Variants in IRGM observed in about 807,000 individuals in gnomAD.
IRGM encodes immunity-related GTPase family M protein.
For synonymous variants in IRGM, 98 were observed against 80.6 expected, an observed-to-expected ratio of 1.22 and a Z score of -1.16; for missense variants, 288 against 219.9, an observed-to-expected ratio of 1.31 and a Z score of -1.96.
At chr5:150,873,417 C>G (rs369120245) in intron 1 of IRGM, among the ~76,000 whole-genome samples, 10 of 152,300 alleles carry the variant, frequency 6.6e-5, no homozygotes, top group African/African-American at 2.2e-4. Context: ...ACAATTTATG[C>G]TGTTAATCTT....
intron 3 of IRGM, among the ~76,000 whole-genome samples, chr5:150,891,553 C>T (rs1754610451): frequency 6.6e-6 from 1 of 151,890 alleles, no homozygotes; most frequent in Admixed American, 6.6e-5. Flanking sequence ...AGCTATAACT[C>T]TGTTTTGTTA....
chr5:150,863,102 T>G (rs1437620545), intron 1 of IRGM, among the ~76,000 whole-genome samples: 5 of 152,206 alleles, frequency 3.3e-5, no homozygotes, highest in Non-Finnish European at 7.3e-5. Context: ...ACTGAGAGAT[T>G]CTTCTTAGGG....
In IRGM at chr5:150,858,935, C is replaced by T. The variant is rs971877470; in HGVS notation, c.158+10281C>T. 9.7e-4 allele frequency among the ~76,000 whole-genome samples: 148 copies of T among 152,214 alleles called. 1 individual carries two copies. Among genetic ancestry groups the T allele is most frequent in the African/African-American group, 3.3e-3 (138 of 41,528 alleles). On this transcript the variant is annotated intron_variant and NMD_transcript_variant, in intron 1 of 3. Transcript: ENST00000520549. Reference sequence around the variant, plus strand: ...CCCTTTATTTCCTTCTCCTGCCTGACTGCCCTGGCCAGAACTTCCAACACT... The same window carrying T: ...CCCTTTATTTCCTTCTCCTGCCTGATTGCCCTGGCCAGAACTTCCAACACT...
intron 1 of IRGM, among the ~76,000 whole-genome samples, chr5:150,863,912 G>A (rs1348349986): frequency 3.9e-5 from 6 of 152,184 alleles, no homozygotes; most frequent in African/African-American, 1.4e-4. Context: ...ATTTGAGGGA[G>A]AGATCTGGAG....
chr5:150,863,968 T>G (rs746627040), intron 1 of IRGM, among the ~76,000 whole-genome samples: 10 of 152,192 alleles, frequency 6.6e-5, no homozygotes, highest in Non-Finnish European at 1.3e-4. Context: ...CCTCAGGTTG[T>G]AACTTCACCA....
At chr5:150,858,885 G>C (rs1297387645) in intron 1 of IRGM, among the ~76,000 whole-genome samples, 1 of 152,166 alleles carries the variant, frequency 6.6e-6, no homozygotes, top group East Asian at 1.9e-4. Flanking sequence ...GGGATAATTT[G>C]ACTTCCTCTT....
chr5:150,848,025 T>A lies in IRGM; in HGVS notation c.-99T>A. 1 of 908,724 alleles carries A rather than the reference T, an allele frequency of 1.1e-6. No individual in the cohort carries two copies. Among genetic ancestry groups the A allele is most frequent in the Non-Finnish European group, 1.7e-6 (1 of 606,054 alleles). 56.3% of individuals were successfully genotyped at this position (908,724 alleles called of 1,614,324 possible). On this transcript the variant is annotated 5_prime_UTR_variant, in exon 2 of 2. Coordinates refer to ENST00000522154, the MANE Select transcript of IRGM (RefSeq NM_001145805.2). ...ACGATGTTGGCCAGGATGGTCTCAA[T>A]CTCCTGACCTCGTGATCTGCTCGCC...
intron 3 of IRGM, among the ~76,000 whole-genome samples, chr5:150,887,922 G>C (rs1053529050): frequency 2.0e-5 from 3 of 151,862 alleles, no homozygotes; most frequent in African/African-American, 4.8e-5. Flanking sequence ...ATAATAACCA[G>C]CTAAGAGCAC....
At chr5:150,848,772 C>G, downstream of IRGM, 1 of 826,342 alleles carries the variant, frequency 1.2e-6, no homozygotes, top group Non-Finnish European at 1.9e-6. Flanking sequence ...GGGTATCTTA[C>G]AATTTTCGGG....
intron 1 of IRGM, among the ~76,000 whole-genome samples, chr5:150,874,244 G>T (rs896432601): frequency 6.6e-6 from 1 of 152,176 alleles, no homozygotes; most frequent in South Asian, 2.1e-4. Context: ...GAGAGATCTT[G>T]ATCACTTTTC....
At chr5:150,859,249 A>G (rs2113261910) in intron 1 of IRGM, among the ~76,000 whole-genome samples, 1 of 152,278 alleles carries the variant, frequency 6.6e-6, no homozygotes, top group Non-Finnish European at 1.5e-5. Context: ...GTGTATGTTG[A>G]ACCAGCCTTG....
At chr5:150,895,707 T>C in intron 3 of IRGM, 1 of 1,613,664 alleles carries the variant, frequency 6.2e-7, no homozygotes, top group Non-Finnish European at 8.5e-7. Flanking sequence ...AATTCTCTGA[T>C]GTCCAATGAG....
chr5:150,875,136 C>T (rs1754345636), intron 1 of IRGM, among the ~76,000 whole-genome samples: 1 of 152,180 alleles, frequency 6.6e-6, no homozygotes, highest in South Asian at 2.1e-4. Context: ...CCTCAGCCTG[C>T]ACTGTTGGTC....
At position 150,847,897 on chromosome 5, in the gene IRGM, G is replaced by A. The variant is rs1202850307; in HGVS notation, c.-227G>A. On this transcript the variant is annotated 5_prime_UTR_variant, in exon 2 of 2. Coordinates refer to ENST00000522154, the MANE Select transcript of IRGM (RefSeq NM_001145805.2). The stretch of plus-strand genomic sequence containing the variant: ...AGCTCACTGCAATATCTGCGTCCAG[G>A]GTTCAAGCGATTCCCCTGCCTCAGC... 3 of 510,754 alleles carry A rather than the reference G, an allele frequency of 5.9e-6. No homozygotes were observed. The highest frequency in any genetic ancestry group is 1.1e-5 in the Non-Finnish European group (3 of 284,424). The allele number at this position is 510,754 out of a possible 1,614,324, so 31.6% of individuals were successfully genotyped here.
chr5:150,871,083 A>G (rs554054474), intron 1 of IRGM, among the ~76,000 whole-genome samples: 2 of 152,308 alleles, frequency 1.3e-5, no homozygotes, highest in East Asian at 1.9e-4. Context: ...TTATTTACAT[A>G]CAAGGCAACC....
At chr5:150,895,300 A>G (rs1754714355) in intron 3 of IRGM, 7 of 681,644 alleles carry the variant, frequency 1.0e-5, no homozygotes, top group Non-Finnish European at 1.6e-5. Context: ...TCACCAAACT[A>G]GAAACAAATT....
intron 2 of IRGM, chr5:150,879,472 T>A (rs1428136986): frequency 6.6e-6 from 1 of 152,220 alleles, no homozygotes; most frequent in Non-Finnish European, 1.5e-5. Flanking sequence ...TATTCATTCA[T>A]CCATTTAAAA....
At chr5:150,901,629 C>G (rs193118141), downstream of IRGM, among the ~76,000 whole-genome samples, 1 of 152,032 alleles carries the variant, frequency 6.6e-6, no homozygotes, top group Non-Finnish European at 1.5e-5. Context: ...GATTTCACAA[C>G]GATAATCATA....
In IRGM at chr5:150,876,755, G is replaced by C. The variant is rs190958043; in HGVS notation, c.159-1225G>C. ...TCCACCAGGTAAAAAACCACGACCTGCTGAGGTGCTTGCTGAAGTCAAAGG... is the reference window on the plus strand; with the variant it reads ...TCCACCAGGTAAAAAACCACGACCTCCTGAGGTGCTTGCTGAAGTCAAAGG... On this transcript the variant is annotated intron_variant and NMD_transcript_variant, in intron 1 of 3. Transcript: ENST00000520549. 9.4e-4 allele frequency among the ~76,000 whole-genome samples: 143 copies of C among 152,298 alleles called. 1 individual carries two copies. The highest frequency in any genetic ancestry group is 3.3e-3 in the African/African-American group (137 of 41,568).
Sources: allele counts gnomAD v4.1 joint callset (sites outside exome capture counted in the v4.1 genomes callset), GRCh38; gene constraint gnomAD v4.1.1; transcripts MANE v1.5; gene names NCBI Gene and HGNC (gene_info 2026-07-23, HGNC 2026-07-21).